Variants in FOXP2 observed in about 807,000 individuals in gnomAD.
The protein encoded by FOXP2 is forkhead box P2.
A neutral mutation model predicts 115.8 loss-of-function variants in FOXP2; 12 were observed. The ratio of observed to expected loss-of-function variants is 0.10; its 90% confidence interval spans 0.07 to 0.17. The LOEUF (loss-of-function observed/expected upper bound fraction) is 0.17, where lower values mean the gene tolerates loss of function less well. FOXP2 is among the 10% of genes least tolerant of loss of function. FOXP2 has a pLI of 1.00. For missense variants in FOXP2, 629 were observed against 843.5 expected (o/e 0.75, Z 3.15); for synonymous variants, 328 against 297.7 (o/e 1.10, Z -1.05).
At chr7:114,421,871 C>T (rs1793637784) in intron 1 of FOXP2, among the ~76,000 whole-genome samples, 1 of 151,616 alleles carries the variant, frequency 6.6e-6, no homozygotes, top group African/African-American at 2.4e-5. Context: ...TGAATTAATT[C>T]CACTAGAGCA....
intron 2 of FOXP2, chr7:114,297,517 T>G (rs1049528153): frequency 2.3e-5 from 6 of 265,820 alleles, no homozygotes; most frequent in Non-Finnish European, 4.4e-5. Context: ...TTCGCACAAC[T>G]ATTAACTATT....
intron 2 of FOXP2, among the ~76,000 whole-genome samples, chr7:114,439,572 A>AT (rs1243992125): frequency 6.6e-6 from 1 of 151,636 alleles, no homozygotes; most frequent in Non-Finnish European, 1.5e-5. Context: ...TATTTATTTT[A>AT]TTTTTTTGAC....
chr7:114,367,875 C>T (rs527318329), intron 2 of FOXP2, among the ~76,000 whole-genome samples: 7 of 152,124 alleles, frequency 4.6e-5, no homozygotes, highest in Non-Finnish European at 7.4e-5. Context: ...TATAAATACA[C>T]GTGTATATAC....
At chr7:114,482,534 GA>G (rs1584790796) in intron 2 of FOXP2, among the ~76,000 whole-genome samples, 1 of 151,198 alleles carries the variant, frequency 6.6e-6, no homozygotes. Context: ...TTATCACGAA[GA>G]AAAAAAGAAT....
chr7:114,601,675 G>A (rs1027060761), intron 3 of FOXP2, among the ~76,000 whole-genome samples: 2 of 151,832 alleles, frequency 1.3e-5, no homozygotes, highest in African/African-American at 4.8e-5. Context: ...TTGATATATT[G>A]TAGTTTTATA....
At chr7:114,101,194 G>A (rs1273682785) in intron 1 of FOXP2, among the ~76,000 whole-genome samples, 1 of 152,134 alleles carries the variant, frequency 6.6e-6, no homozygotes, top group East Asian at 1.9e-4. Context: ...AGGAAGCCCA[G>A]TCTTTTATGA....
intron 2 of FOXP2, among the ~76,000 whole-genome samples, chr7:114,432,640 A>T (rs747425497): frequency 3.3e-5 from 5 of 151,924 alleles, no homozygotes; most frequent in Non-Finnish European, 7.4e-5. Context: ...AAAATGTGGC[A>T]TCTATTTACA....
chr7:114,642,705 G>C lies in FOXP2; in HGVS notation c.989+82G>C, dbSNP rs145505060. 505 of 1,262,836 alleles carry C rather than the reference G, an allele frequency of 4.0e-4. 4 individuals carry two copies. The African/African-American group carries it at 6.8e-3, about 17-fold the overall frequency. The allele number at this position is 1,262,836 out of a possible 1,614,324, so 78.2% of individuals were successfully genotyped here. ...TTGAGACAATGAAAAAGAACAATTT[G>C]TACTTGGAGCAAGGACAAAATGTAT... On this transcript the variant is annotated intron_variant, in intron 7 of 16. Coordinates refer to ENST00000350908, the MANE Select transcript of FOXP2 (RefSeq NM_014491.4).
intron 2 of FOXP2, among the ~76,000 whole-genome samples, chr7:114,474,702 T>G (rs1470660255): frequency 1.3e-5 from 2 of 152,148 alleles, no homozygotes; most frequent in African/African-American, 2.4e-5. Context: ...CTGACAAACA[T>G]TTACAATTAA....
intron 1 of FOXP2, among the ~76,000 whole-genome samples, chr7:114,268,726 G>A (rs1562845741): frequency 6.6e-6 from 1 of 151,728 alleles, no homozygotes; most frequent in Admixed American, 6.6e-5. Context: ...GTGTGTGTGT[G>A]TGTGTATGTG....
At chr7:114,428,077 A>G (rs1047679744) in intron 2 of FOXP2, among the ~76,000 whole-genome samples, 1 of 151,600 alleles carries the variant, frequency 6.6e-6, no homozygotes, top group Non-Finnish European at 1.5e-5. Flanking sequence ...GAAATATCAC[A>G]CCAGTGGAAT....
chr7:114,368,978 G>A (rs1222445848), intron 2 of FOXP2, among the ~76,000 whole-genome samples: 5 of 152,130 alleles, frequency 3.3e-5, no homozygotes, highest in Non-Finnish European at 7.3e-5. Context: ...GCTTTGCATG[G>A]CTTCAGCTGG....
At chr7:114,123,994 C>T (rs1791635725) in intron 1 of FOXP2, among the ~76,000 whole-genome samples, 1 of 152,008 alleles carries the variant, frequency 6.6e-6, no homozygotes, top group African/African-American at 2.4e-5. Context: ...AAAGAGCCTG[C>T]AGGCTTAGCA....
chr7:114,414,866 T>C lies in FOXP2; in HGVS notation c.-505T>C. 1 of 297,512 alleles carries C rather than the reference T, an allele frequency of 3.4e-6. No individual in the cohort carries two copies. The highest frequency in any genetic ancestry group is 6.7e-6 in the Non-Finnish European group (1 of 149,092). 18.4% of individuals were successfully genotyped at this position (297,512 alleles called of 1,614,324 possible). A position where few individuals can be genotyped will look rare whatever the true frequency, so the allele number is the denominator to read the frequency against. ...TGAGAGACTCAAACTGGTGCTTTTG[T>C]CTCTCTCTCTCTGTCTTTCTCTCTC... On this transcript the variant is annotated 5_prime_UTR_variant, in exon 1 of 17. Coordinates refer to ENST00000350908, the MANE Select transcript of FOXP2 (RefSeq NM_014491.4).
chr7:114,654,731 T>C (rs1806476006), intron 10 of FOXP2, among the ~76,000 whole-genome samples: 2 of 152,126 alleles, frequency 1.3e-5, no homozygotes, highest in African/African-American at 4.8e-5. Flanking sequence ...AGTAATCAAC[T>C]GGGTAACTCT....
chr7:114,341,062 A>G (rs1345000776), intron 2 of FOXP2, among the ~76,000 whole-genome samples: 2 of 151,312 alleles, frequency 1.3e-5, no homozygotes, highest in East Asian at 3.9e-4. Flanking sequence ...TAACTTATTT[A>G]TCTGGAAAGC....
intron 2 of FOXP2, among the ~76,000 whole-genome samples, chr7:114,339,510 A>G (rs921637201): frequency 6.6e-6 from 1 of 150,892 alleles, no homozygotes; most frequent in Admixed American, 6.6e-5. Context: ...GTTTAGTTTT[A>G]CTGTTTGGAT....
In FOXP2 at chr7:114,168,238, T is replaced by C. The variant is rs568366052; in HGVS notation, c.-102+5150T>C. Among the ~76,000 whole-genome samples the C allele has an allele frequency of 7.4e-4, 113 of 152,020 alleles. 1 individual carries two copies. The highest frequency in any genetic ancestry group is 2.6e-3 in the African/African-American group (108 of 41,456). On this transcript the variant is annotated intron_variant, in intron 1 of 17. Coordinates refer to the FOXP2 transcript ENST00000634411. ...TTTGGAACTGGGTAACAGGCAGAGGTTGGAACAGTTTGGAGGGCTCAGAAG... is the reference window on the plus strand; with the variant it reads ...TTTGGAACTGGGTAACAGGCAGAGGCTGGAACAGTTTGGAGGGCTCAGAAG...
intron 9 of FOXP2, among the ~76,000 whole-genome samples, chr7:114,652,547 G>T (rs1455680063): frequency 6.6e-6 from 1 of 152,022 alleles, no homozygotes; most frequent in Non-Finnish European, 1.5e-5. Context: ...ATATCCCAAA[G>T]TAGTCAGATC....
Sources: allele counts gnomAD v4.1 joint callset (sites outside exome capture counted in the v4.1 genomes callset), GRCh38; gene constraint gnomAD v4.1.1; transcripts MANE v1.5; gene names NCBI Gene and HGNC (gene_info 2026-07-23, HGNC 2026-07-21).